The following SF3B1 variants were observed in gnomAD, a reference collection of about 807,000 sequenced individuals.
SF3B1 encodes pre-mRNA processing 10.
In SF3B1, 12 loss-of-function variants were observed where a neutral mutation model predicts 153.8. The ratio of observed to expected loss-of-function variants is 0.08; its 90% CI spans 0.05 to 0.13. The LOEUF (loss-of-function observed/expected upper bound fraction) is 0.13, where lower values mean the gene tolerates loss of function less well. Among genes scored for constraint, SF3B1 ranks in the 10% least tolerant of loss-of-function variants. SF3B1 has a pLI of 1.00. For missense variants in SF3B1, 513 were observed against 1,606.1 expected, an observed-to-expected ratio of 0.32 and a Z score of 11.63; for synonymous variants, 498 against 525.2, an observed-to-expected ratio of 0.95 and a Z score of 0.71.
At chr2:197,396,376 ATTTATGG>A in intron 22 of SF3B1, 48 bp from the exon 23 acceptor site, 1 of 1,502,304 alleles carries the variant, frequency 6.7e-7, no homozygotes, top group Non-Finnish European at 9.0e-7. Flanking sequence ...TAAGTCAAAA[ATTTATGG>A]AAGAAAAAAA....
In SF3B1 at chr2:197,408,090, G is replaced by T. The variant is rs1453713923; in HGVS notation, c.1147C>A (p.Leu383Ile). ...TCTCTTTCCCACCGCCAAGCCTGAA[G>T]CTGTTCAGGAGTCATACTCATTATG... ...GHIMSMTPEQLQAWRWEREID... is the reference protein window; with the variant it reads ...GHIMSMTPEQIQAWRWEREID... The change falls in exon 9 of 25, where the codon CTT (leucine) becomes ATT (isoleucine). Residue 383 changes from leucine to isoleucine, a missense_variant. Transcript: ENST00000335508. 3 of 1,613,140 alleles carry T rather than the reference G, an allele frequency of 1.9e-6. No individual in the cohort carries two copies. In the African/African-American group the frequency reaches 4.0e-5, roughly 22 times the overall value.
At chr2:197,418,816 G>C in intron 4 of SF3B1, 2 of 1,501,900 alleles carry the variant, frequency 1.3e-6, no homozygotes, top group South Asian at 2.7e-5. Context: ...ATATTTTAAT[G>C]CATATAAAAA....
rs575009137 is a variant in SF3B1 at position 197,404,452 on chromosome 2, C to T, written c.1539+624G>A. 3.3e-5 allele frequency among the ~76,000 whole-genome samples: 5 copies of T among 152,072 alleles called. No homozygotes were observed. In the East Asian group the frequency reaches 5.8e-4, roughly 18 times the overall value. On this transcript the variant is annotated intron_variant, in intron 11 of 24. Transcript: ENST00000335508. The stretch of plus-strand genomic sequence containing the variant: ...GAAATTAGCAGGGCGTGGTGGTGCA[C>T]GCCTGTAGTCCCAGCTACTTGGAAG...
intron 1 of SF3B1, 55 bp downstream of exon 1, chr2:197,434,917 G>A (rs1478217355): frequency 1.3e-6 from 2 of 1,565,230 alleles, no homozygotes; most frequent in Admixed American, 1.7e-5. Flanking sequence ...TAGGAAAAAA[G>A]GCTTTTATTA....
chr2:197,393,417 C>T lies in SF3B1; in HGVS notation c.3540-229G>A, dbSNP rs912389833. The T allele has an allele frequency of 5.7e-6, 3 of 526,640 alleles. No homozygotes were observed. In the African/African-American group the frequency reaches 5.8e-5, roughly 10 times the overall value. The allele number at this position is 526,640 out of a possible 1,614,324, so 32.6% of individuals were successfully genotyped here. ...ACTTTTGCTTTAATTACTCAAGATT[C>T]ACTATGGCTCAACAATTAAGCCATA... On this transcript the variant is annotated intron_variant, in intron 23 of 24. Coordinates refer to ENST00000335508, the MANE Select transcript of SF3B1 (RefSeq NM_012433.4).
In SF3B1 at chr2:197,425,024, T is replaced by G. The variant is rs2085311194; in HGVS notation, c.29-1050A>C. 5.3e-5 allele frequency among the ~76,000 whole-genome samples: 8 copies of G among 152,190 alleles called. No homozygotes were observed. In the South Asian group the frequency reaches 1.7e-3, roughly 32 times the overall value. On this transcript the variant is annotated intron_variant, in intron 1 of 24. Coordinates refer to ENST00000335508, the MANE Select transcript of SF3B1 (RefSeq NM_012433.4). The stretch of plus-strand genomic sequence containing the variant: ...AAAATACAAAGTTAGCCAGGTGTAA[T>G]GGCGCACGCCTCTAGTCCCAGCTAC...
intron 1 of SF3B1, among the ~76,000 whole-genome samples, chr2:197,431,063 C>A (rs2085424469): frequency 6.6e-6 from 1 of 151,392 alleles, no homozygotes; most frequent in South Asian, 2.1e-4. Context: ...CTGCTCCCCA[C>A]CAATTCTGTC....
At chr2:197,415,360 C>T (rs2085132598) in intron 6 of SF3B1, among the ~76,000 whole-genome samples, 2 of 151,952 alleles carry the variant, frequency 1.3e-5, no homozygotes, top group African/African-American at 4.8e-5. Flanking sequence ...TCAAGTGATT[C>T]TCCTGTCTCA....
At chr2:197,429,441 G>C (rs1226806320) in intron 1 of SF3B1, among the ~76,000 whole-genome samples, 2 of 152,144 alleles carry the variant, frequency 1.3e-5, no homozygotes, top group Non-Finnish European at 2.9e-5. Flanking sequence ...TACAAGTAAG[G>C]CTACTGTAAA....
intron 20 of SF3B1, among the ~76,000 whole-genome samples, chr2:197,399,751 T>C (rs1164169403): frequency 6.6e-6 from 1 of 152,198 alleles, no homozygotes; most frequent in East Asian, 1.9e-4. Context: ...AGAATATATT[T>C]CACCTGACAC....
At position 197,428,898 on chromosome 2, in the gene SF3B1, G is replaced by C. The variant is rs886952548; in HGVS notation, c.29-4924C>G. On this transcript the variant is annotated intron_variant, in intron 1 of 24. Coordinates refer to ENST00000335508, the MANE Select transcript of SF3B1 (RefSeq NM_012433.4). ...CAACAAGAGAATCGCTTGAGTCTGG[G>C]AGGCAGAGGTTGCAGTGAGCCAAGA... 2.0e-5 allele frequency among the ~76,000 whole-genome samples: 3 copies of C among 151,906 alleles called. No individual in the cohort carries two copies. The South Asian group carries it at 6.2e-4, about 32-fold the overall frequency.
In SF3B1 at chr2:197,402,362, T is replaced by C. The variant is rs2084944274; in HGVS notation, c.2077+194A>G. 1 of 699,380 alleles carries C rather than the reference T, an allele frequency of 1.4e-6. No individual in the cohort carries two copies. The highest frequency in any genetic ancestry group is 2.3e-6 in the Non-Finnish European group (1 of 429,272). 43.3% of individuals were successfully genotyped at this position (699,380 alleles called of 1,614,324 possible). A position where few individuals can be genotyped will look rare whatever the true frequency, so the allele number is the denominator to read the frequency against. ...ATGCCTTTCCATTTATCTCCCCAAA[T>C]CAGTAGCCCAAATTTTAGGACAGCT... On this transcript the variant is annotated intron_variant, in intron 14 of 24. Coordinates refer to ENST00000335508, the MANE Select transcript of SF3B1 (RefSeq NM_012433.4). This position sits in a 1 kb window ranked among gnomAD's most constrained non-coding sequence, Gnocchi z 4.6.
intron 4 of SF3B1, chr2:197,419,520 G>A (rs2085207564): frequency 4.6e-6 from 1 of 219,286 alleles, no homozygotes; most frequent in Non-Finnish European, 9.1e-6. Context: ...AATTGGTAGT[G>A]TCATTCTTTC....
At position 197,391,731 on chromosome 2, in the gene SF3B1, C is replaced by G. The variant is rs924696858; in HGVS notation, c.*572G>C. 1 of 152,680 alleles carries G rather than the reference C, an allele frequency of 6.5e-6. No homozygotes were observed. Among genetic ancestry groups the G allele is most frequent in the Non-Finnish European group, 1.5e-5 (1 of 68,362 alleles). The allele number at this position is 152,680 out of a possible 1,614,324, so 9.5% of individuals were successfully genotyped here. ...GTTTAGCAAAAGTGCTACTTTTCTACGATGATGGAATGGTTGTGCTAGTTT... is the reference window on the plus strand; with the variant it reads ...GTTTAGCAAAAGTGCTACTTTTCTAGGATGATGGAATGGTTGTGCTAGTTT... On this transcript the variant is annotated 3_prime_UTR_variant, in exon 25 of 25. Transcript: ENST00000335508.
intron 3 of SF3B1, 62 bp downstream of exon 3, chr2:197,420,967 G>A (rs2085231036): frequency 4.1e-6 from 4 of 975,216 alleles, no homozygotes; most frequent in Non-Finnish European, 6.3e-6. Flanking sequence ...GGATTTCTAT[G>A]GGAACTCAGA....
Position 197,424,711 on chromosome 2 carries a change from G to T in SF3B1, c.29-737C>A, listed in dbSNP as rs2085304267. 3.3e-5 allele frequency among the ~76,000 whole-genome samples: 5 copies of T among 152,220 alleles called. 1 individual carries two copies. In the South Asian group the frequency reaches 1.0e-3, roughly 32 times the overall value. On this transcript the variant is annotated intron_variant, in intron 1 of 24. Coordinates refer to ENST00000335508, the MANE Select transcript of SF3B1 (RefSeq NM_012433.4). ...TCTTTCCTGACACCAGGTTAATTTT[G>T]CAAAGTAATGTTTTGTTTTAATAAT...
intron 2 of SF3B1, among the ~76,000 whole-genome samples, chr2:197,422,978 A>G (rs1200148196): frequency 6.6e-6 from 1 of 152,232 alleles, no homozygotes; most frequent in Non-Finnish European, 1.5e-5. Context: ...CTGATAAAAT[A>G]TAAGCTACCT....
At chr2:197,423,714 C>T (rs2085285780) in intron 2 of SF3B1, 94 bp downstream of exon 2, 5 of 1,246,152 alleles carry the variant, frequency 4.0e-6, no homozygotes, top group Non-Finnish European at 5.7e-6. Flanking sequence ...AAAAATGTTT[C>T]TCCAGATTAA....
chr2:197,407,356 G>C (rs1462717432), intron 9 of SF3B1, among the ~76,000 whole-genome samples: 1 of 152,134 alleles, frequency 6.6e-6, no homozygotes, highest in East Asian at 1.9e-4. Flanking sequence ...TGTAATCCCA[G>C]CACTTTGGGA....
Sources: allele counts gnomAD v4.1 joint callset (sites outside exome capture counted in the v4.1 genomes callset), GRCh38; gene constraint gnomAD v4.1.1; non-coding constraint Gnocchi (gnomAD v3.1); transcripts MANE v1.5; gene names NCBI Gene and HGNC (gene_info 2026-07-23, HGNC 2026-07-21).